Variants in YTHDF3 observed in about 807,000 individuals in gnomAD.
YTHDF3 encodes YTH domain-containing family protein 3.
In YTHDF3, 9 loss-of-function variants were observed where a neutral mutation model predicts 52.5. The observed-to-expected ratio is 0.17, with a 90% CI of 0.10 to 0.30. The LOEUF (loss-of-function observed/expected upper bound fraction) is 0.30. Among genes scored for constraint, YTHDF3 ranks in the 10% least tolerant of loss-of-function variants. YTHDF3 has a pLI of 1.00. For missense variants in YTHDF3, 534 were observed against 715.0 expected, an observed-to-expected ratio of 0.75 and a Z score of 2.89; for synonymous variants, 274 against 243.3, an observed-to-expected ratio of 1.13 and a Z score of -1.18.
intron 1 of YTHDF3, 42 bp from the exon 2 acceptor site, chr8:63,169,341 TCTTC>T (rs759034117): frequency 6.3e-7 from 1 of 1,577,688 alleles, no homozygotes; most frequent in South Asian, 1.2e-5. Context: ...CTTTTTCTTT[TCTTC>T]CTTTTTCTCC....
chr8:63,186,858 G>A lies in YTHDF3; in HGVS notation c.847G>A (p.Gly283Arg). Residue 283 changes from glycine to arginine, a missense_variant, in exon 4 of 5, where the codon GGG becomes AGG. Physicochemically the swap from Gly to Arg is moderately radical, Grantham distance 125 (BLOSUM62 -2). Around this residue, in one of 3 missense-constraint regions of YTHDF3, gnomAD observed 203 missense variants for 201.3 expected, o/e 1.01. Transcript: ENST00000539294. Reference sequence around the variant, plus strand: ...GAATATTGGAACTTGGGATGAAAAAGGGTCAGTGGTAAAGGCTCCACCAAC... The same window carrying A: ...GAATATTGGAACTTGGGATGAAAAAAGGTCAGTGGTAAAGGCTCCACCAAC... ...NMNIGTWDEK[G>R]SVVKAPPTQP... is the part of the protein sequence containing the mutation. 1.2e-6 allele frequency: 2 copies of A among 1,613,920 alleles called. No homozygotes were observed. Among genetic ancestry groups the A allele is most frequent in the Non-Finnish European group, 1.7e-6 (2 of 1,179,882 alleles).
At chr8:63,180,533 G>A (rs2130036727) in intron 3 of YTHDF3, among the ~76,000 whole-genome samples, 1 of 152,282 alleles carries the variant, frequency 6.6e-6, no homozygotes, top group South Asian at 2.1e-4. Context: ...CAGACGATGG[G>A]CGGCCGGGCA....
At chr8:63,176,482 A>G (rs1019114356) in intron 3 of YTHDF3, among the ~76,000 whole-genome samples, 5 of 151,910 alleles carry the variant, frequency 3.3e-5, no homozygotes, top group African/African-American at 7.3e-5. Context: ...GGGTTTCACC[A>G]TGTTAGCCAG....
At position 63,206,745 on chromosome 8, in the gene YTHDF3, A is replaced by G. The variant is rs139215586; in HGVS notation, c.1735-2938A>G. Among the ~76,000 whole-genome samples, 170 of 151,764 alleles carry G rather than the reference A, an allele frequency of 1.1e-3. 1 individual carries two copies. In the East Asian group the frequency reaches 0.019, roughly 17 times the overall value. The stretch of plus-strand genomic sequence containing the variant: ...AATCAGTAATTTCAGAGACTTTTCT[A>G]TTGTTTTTTTTTCCCTCTAAAACTT... On this transcript the variant is annotated intron_variant, in intron 4 of 4. Coordinates refer to ENST00000539294, the MANE Select transcript of YTHDF3 (RefSeq NM_152758.6).
intron 4 of YTHDF3, among the ~76,000 whole-genome samples, chr8:63,192,527 A>T (rs1808978170): frequency 6.6e-6 from 1 of 152,200 alleles, no homozygotes; most frequent in Non-Finnish European, 1.5e-5. Flanking sequence ...GTTAGAAACC[A>T]GTTTTCCTTG....
At chr8:63,196,366 A>G (rs889812403) in intron 4 of YTHDF3, among the ~76,000 whole-genome samples, 2 of 152,036 alleles carry the variant, frequency 1.3e-5, no homozygotes, top group Admixed American at 6.6e-5. Context: ...GTTTGAGACC[A>G]GCGTGGCCAA....
At chr8:63,172,116 T>C (rs1467146156) in intron 2 of YTHDF3, among the ~76,000 whole-genome samples, 1 of 152,212 alleles carries the variant, frequency 6.6e-6, no homozygotes, top group African/African-American at 2.4e-5. Flanking sequence ...GAACTCTTTA[T>C]TATCCTTGGC....
intron 3 of YTHDF3, among the ~76,000 whole-genome samples, chr8:63,180,066 G>T (rs1385926993): frequency 2.0e-5 from 3 of 146,816 alleles, no homozygotes; most frequent in Non-Finnish European, 4.6e-5. Flanking sequence ...CTGGCTGGGC[G>T]GGGGGCTGAC....
At position 63,175,396 on chromosome 8, in the gene YTHDF3, T is replaced by G. The variant is rs1331049753; in HGVS notation, c.115T>G (p.Leu39Val). 1 of 1,611,924 alleles carries G rather than the reference T, an allele frequency of 6.2e-7. No individual in the cohort carries two copies. Among genetic ancestry groups the G allele is most frequent in the Admixed American group, 1.7e-5 (1 of 59,826 alleles). The change falls in exon 3 of 5, where the codon TTA (leucine) becomes GTA (valine). Residue 39 changes from leucine (L) to valine (V), a missense_variant. Around this residue, in one of 3 missense-constraint regions of YTHDF3, gnomAD observed 196 missense variants for 299.5 expected, o/e 0.65. Coordinates refer to ENST00000539294, the MANE Select transcript of YTHDF3 (RefSeq NM_152758.6). ...AAATGATGATGATTTTGAGCCATACTTAAGTAGCCAGACAAATCAGGTAAG... is the reference window on the plus strand; with the variant it reads ...AAATGATGATGATTTTGAGCCATACGTAAGTAGCCAGACAAATCAGGTAAG... The part of the protein sequence containing the change: ...AVNDDDFEPY[L>V]SSQTNQSNSY...
chr8:63,183,744 A>C (rs1222495053), intron 3 of YTHDF3, among the ~76,000 whole-genome samples: 1 of 152,176 alleles, frequency 6.6e-6, no homozygotes, highest in African/African-American at 2.4e-5. Flanking sequence ...CCAGTTTTAA[A>C]TATAGTCAGC....
intron 2 of YTHDF3, among the ~76,000 whole-genome samples, chr8:63,174,467 G>T (rs1045443521): frequency 1.3e-5 from 2 of 152,138 alleles, no homozygotes; most frequent in African/African-American, 4.8e-5. Flanking sequence ...CTGAAACAGC[G>T]AACAGTCAAA....
intron 4 of YTHDF3, among the ~76,000 whole-genome samples, chr8:63,209,125 C>T (rs1810222072): frequency 6.6e-6 from 1 of 152,174 alleles, no homozygotes; most frequent in South Asian, 2.1e-4. Flanking sequence ...GTCTCGGCCT[C>T]CCAGAGTGCT....
Position 63,177,788 on chromosome 8 carries a change from C to T in YTHDF3, c.135+2372C>T, listed in dbSNP as rs193133612. Reference sequence around the variant, plus strand: ...TTTTTTTTTTTTTGAAACGGAGTCTCGCTCTGTTGCCTAGGCTGGAGTGCA... The same window carrying T: ...TTTTTTTTTTTTTGAAACGGAGTCTTGCTCTGTTGCCTAGGCTGGAGTGCA... On this transcript the variant is annotated intron_variant, in intron 3 of 4. Transcript: ENST00000539294. 7.7e-4 allele frequency among the ~76,000 whole-genome samples: 114 copies of T among 148,398 alleles called. 1 individual carries two copies. Among genetic ancestry groups the T allele is most frequent in the African/African-American group, 2.6e-3 (106 of 40,174 alleles).
At chr8:63,188,699 ATATTTTTT>A (rs1207644709) in intron 4 of YTHDF3, 4 of 56,728 alleles carry the variant, frequency 7.1e-5, no homozygotes, top group Admixed American at 2.9e-4. Context: ...ATATATATAT[ATATTTTTT>A]TTTTTTTTTT....
intron 3 of YTHDF3, among the ~76,000 whole-genome samples, chr8:63,181,025 A>G (rs999658423): frequency 1.3e-5 from 2 of 152,222 alleles, no homozygotes. Flanking sequence ...GTTCTTCAGA[A>G]TAATTTTATG....
At chr8:63,188,897 A>G (rs1055743134) in intron 4 of YTHDF3, 15 of 150,780 alleles carry the variant, frequency 9.9e-5, no homozygotes, top group African/African-American at 3.7e-4. Flanking sequence ...TATTTTTAAT[A>G]GAGACGAGTT....
chr8:63,200,958 A>G (rs932382512), intron 4 of YTHDF3, among the ~76,000 whole-genome samples: 1 of 152,172 alleles, frequency 6.6e-6, no homozygotes, highest in Non-Finnish European at 1.5e-5. Flanking sequence ...AAAAAGAGAT[A>G]AAGTTGGAAA....
intron 4 of YTHDF3, among the ~76,000 whole-genome samples, chr8:63,195,553 A>G (rs1809175795): frequency 6.6e-6 from 1 of 152,224 alleles, no homozygotes; most frequent in Non-Finnish European, 1.5e-5. Flanking sequence ...GAAAGATGTG[A>G]TGGAAAGAGA....
At chr8:63,207,519 A>AT (rs1810109576) in intron 4 of YTHDF3, among the ~76,000 whole-genome samples, 1 of 151,324 alleles carries the variant, frequency 6.6e-6, no homozygotes, top group Non-Finnish European at 1.5e-5. Context: ...CTTTTGGGGT[A>AT]TTTTCTTTAT....
Sources: gnomAD v4.1 joint callset for allele counts (sites outside exome capture counted in the v4.1 genomes callset) on GRCh38, gnomAD v4.1.1 for gene constraint, gnomAD v4.1.1 regional missense constraint, MANE v1.5 for transcripts, NCBI Gene and HGNC (gene_info 2026-07-23, HGNC 2026-07-21) for gene names.